The following OSBPL9 variants were observed in gnomAD, a reference collection of about 807,000 sequenced individuals.
The protein encoded by OSBPL9 is oxysterol-binding protein-related protein 9.
Under a neutral mutation model 106.6 loss-of-function variants are expected in OSBPL9, and 40 were observed. The observed-to-expected ratio is 0.38, with a 90% CI of 0.29 to 0.49. The LOEUF (loss-of-function observed/expected upper bound fraction) is 0.49, where lower values mean the gene tolerates loss of function less well. Ranked by LOEUF, OSBPL9 falls within the 20% of genes least tolerant of loss-of-function variation. The pLI is 0.97. For synonymous variants in OSBPL9, 269 were observed against 295.4 expected, an observed-to-expected ratio of 0.91 and a Z score of 0.92; for missense variants, 609 against 887.2, an observed-to-expected ratio of 0.69 and a Z score of 3.98.
At chr1:51,530,193 C>CAAAACA in the OSBPL9 span, among the ~76,000 whole-genome samples, 30 of 55,652 alleles carry the variant, frequency 5.4e-4, 1 homozygote, top group East Asian at 9.4e-3. Context: ...AAAAAAAAAA[C>CAAAACA]AAAAAAAAAA....
At chr1:51,677,444 T>C (rs1042571145) in intron 3 of OSBPL9, among the ~76,000 whole-genome samples, 7 of 152,356 alleles carry the variant, frequency 4.6e-5, no homozygotes, top group African/African-American at 1.7e-4. Flanking sequence ...TAAGCAAATC[T>C]GATGTGTGAA....
At chr1:51,533,260 T>C in the OSBPL9 span, among the ~76,000 whole-genome samples, 3 of 151,978 alleles carry the variant, frequency 2.0e-5, no homozygotes, top group Non-Finnish European at 4.4e-5. Flanking sequence ...GGTGGGTGGA[T>C]TGGCTGAGCT....
chr1:51,549,321 G>A, the OSBPL9 span, among the ~76,000 whole-genome samples: 12 of 152,102 alleles, frequency 7.9e-5, no homozygotes, highest in Admixed American at 2.0e-4. Context: ...TTTAAGAGCC[G>A]CCTCAAAACT....
At chr1:51,595,978 C>CA (rs1368939667) in intron 1 of OSBPL9, among the ~76,000 whole-genome samples, 7 of 152,098 alleles carry the variant, frequency 4.6e-5, no homozygotes, top group Non-Finnish European at 8.8e-5. Flanking sequence ...TTTATCAGGC[C>CA]AGGCATGGTG....
At chr1:51,544,533 T>A in the OSBPL9 span, among the ~76,000 whole-genome samples, 1 of 152,120 alleles carries the variant, frequency 6.6e-6, no homozygotes, top group Non-Finnish European at 1.5e-5. Context: ...GGAACTTTCG[T>A]GTAGGCTTTT....
the OSBPL9 span, among the ~76,000 whole-genome samples, chr1:51,519,034 G>A: frequency 2.6e-5 from 4 of 151,306 alleles, no homozygotes; most frequent in African/African-American, 4.8e-5. Context: ...TCCGGAGGGC[G>A]CCCTCCCGCA....
chr1:51,679,680 A>G (rs1478064404), intron 3 of OSBPL9, among the ~76,000 whole-genome samples: 1 of 152,204 alleles, frequency 6.6e-6, no homozygotes, highest in East Asian at 1.9e-4. Context: ...CCATGTATCT[A>G]TGGTGATGAT....
At chr1:51,680,889 G>A (rs1265830655) in intron 3 of OSBPL9, among the ~76,000 whole-genome samples, 1 of 152,002 alleles carries the variant, frequency 6.6e-6, no homozygotes, top group Admixed American at 6.6e-5. Flanking sequence ...TTGCCCAATT[G>A]CGTTTACTCT....
intron 6 of OSBPL9, 100 bp from the exon 7 acceptor site, chr1:51,748,269 G>C (rs1315160129): frequency 7.1e-7 from 1 of 1,399,048 alleles, no homozygotes; most frequent in Non-Finnish European, 9.4e-7. Flanking sequence ...CTTAGAATGA[G>C]TACATTTTGG....
intron 3 of OSBPL9, among the ~76,000 whole-genome samples, chr1:51,671,818 G>A (rs1370646976): frequency 6.6e-6 from 1 of 152,098 alleles, no homozygotes; most frequent in Non-Finnish European, 1.5e-5. Flanking sequence ...AAGAAAGTCA[G>A]GGAACAAAGT....
At chr1:51,688,236 G>A (rs539711323) in intron 3 of OSBPL9, among the ~76,000 whole-genome samples, 3 of 152,156 alleles carry the variant, frequency 2.0e-5, no homozygotes, top group Non-Finnish European at 4.4e-5. Flanking sequence ...GTGAATCTGA[G>A]CCATAGCCTA....
At position 51,751,094 on chromosome 1, in the gene OSBPL9, A is replaced by ATT. The variant is rs202233230; in HGVS notation, c.543+904_543+905dup. ...TCTTTTGAGGCCTGATTTAAAATAT[A>ATT]TTTTTTATTTTTTGAGACAGTCTCG... On this transcript the variant is annotated intron_variant, in intron 8 of 23. Coordinates refer to ENST00000428468, the MANE Select transcript of OSBPL9 (RefSeq NM_024586.6). Among the ~76,000 whole-genome samples, 422 of 152,158 alleles carry ATT rather than the reference A, an allele frequency of 2.8e-3. 16 individuals carry two copies. In the East Asian group the frequency reaches 0.075, roughly 27 times the overall value.
rs1307366366 is a variant in OSBPL9, at chr1:51,652,055, CATTTTT to C, written c.162+17_162+22del. 3 of 1,580,400 alleles carry C rather than the reference CATTTTT, an allele frequency of 1.9e-6. No homozygotes were observed. In the Admixed American group the frequency reaches 5.4e-5, roughly 29 times the overall value. On this transcript the variant is annotated intron_variant, in intron 2 of 23. Coordinates refer to ENST00000428468, the MANE Select transcript of OSBPL9 (RefSeq NM_024586.6). ...GTTAGACTCAGAGTGAGTATTTATT[CATTTTT>C]ATGAAAATCAATTTTGACAGAAGAA...
the OSBPL9 span, among the ~76,000 whole-genome samples, chr1:51,570,557 G>C: frequency 6.6e-6 from 1 of 152,186 alleles, no homozygotes; most frequent in South Asian, 2.1e-4. Flanking sequence ...TACTCAAGAT[G>C]ACAGAGTCAC....
intron 3 of OSBPL9, among the ~76,000 whole-genome samples, chr1:51,674,846 T>A (rs185047326): frequency 6.6e-6 from 1 of 152,314 alleles, no homozygotes; most frequent in Admixed American, 6.5e-5. Context: ...CTGGGCCACA[T>A]TGGAAGAAGA....
intron 1 of OSBPL9, among the ~76,000 whole-genome samples, chr1:51,630,650 T>C (rs1645049197): frequency 1.3e-5 from 2 of 152,206 alleles, no homozygotes; most frequent in African/African-American, 4.8e-5. Context: ...TACACTACCA[T>C]AGACTTTATA....
At chr1:51,596,460 G>A (rs765223207) in intron 1 of OSBPL9, among the ~76,000 whole-genome samples, 8 of 150,858 alleles carry the variant, frequency 5.3e-5, no homozygotes, top group Non-Finnish European at 1.0e-4. Flanking sequence ...TTGAGAGGCT[G>A]AGGCAGGAGA....
At chr1:51,682,634 T>G (rs1379312105) in intron 3 of OSBPL9, among the ~76,000 whole-genome samples, 1 of 151,782 alleles carries the variant, frequency 6.6e-6, no homozygotes, top group Non-Finnish European at 1.5e-5. Flanking sequence ...GGCGCGCGCC[T>G]ATAATCCCAG....
At chr1:51,679,903 A>T (rs1652129307) in intron 3 of OSBPL9, among the ~76,000 whole-genome samples, 1 of 152,188 alleles carries the variant, frequency 6.6e-6, no homozygotes, top group African/African-American at 2.4e-5. Flanking sequence ...AAACTTTATT[A>T]TAGGCAAGTA....
Sources: allele counts gnomAD v4.1 joint callset (sites outside exome capture counted in the v4.1 genomes callset), GRCh38; gene constraint gnomAD v4.1.1; transcripts MANE v1.5; gene names NCBI Gene and HGNC (gene_info 2026-07-23, HGNC 2026-07-21).